The following PIGL variants were observed in gnomAD, a reference collection of about 807,000 sequenced individuals.
PIGL encodes N-acetylglucosaminyl-phosphatidylinositol de-N-acetylase.
In PIGL, 22 loss-of-function variants were observed where a neutral mutation model predicts 31.1. That is an observed-to-expected ratio of 0.71 (90% CI 0.51 to 1.01). PIGL has a LOEUF of 1.01. Ranked by LOEUF, PIGL falls within the 50% of genes least tolerant of loss-of-function variation. The pLI is 0.00. For missense variants in PIGL, 302 were observed against 315.9 expected, an observed-to-expected ratio of 0.96 and a Z score of 0.33; for synonymous variants, 131 against 117.4, an observed-to-expected ratio of 1.12 and a Z score of -0.75.
intron 1 of PIGL, among the ~76,000 whole-genome samples, chr17:16,226,187 C>T (rs764497488): frequency 2.6e-5 from 4 of 151,918 alleles, no homozygotes; most frequent in Non-Finnish European, 4.4e-5. Flanking sequence ...AACCAATCAC[C>T]TTTTTTTTCA....
At chr17:16,234,574 G>A (rs1337193842) in intron 2 of PIGL, among the ~76,000 whole-genome samples, 1 of 152,168 alleles carries the variant, frequency 6.6e-6, no homozygotes, top group Non-Finnish European at 1.5e-5. Context: ...GACCAACCTG[G>A]CCAAACATGG....
At chr17:16,237,638 T>G (rs963738486) in intron 2 of PIGL, among the ~76,000 whole-genome samples, 1 of 150,480 alleles carries the variant, frequency 6.6e-6, no homozygotes, top group Non-Finnish European at 1.5e-5. Flanking sequence ...CCGTCTCTAC[T>G]AAAAATACAA....
rs1405474118 is a variant in PIGL, at chr17:16,325,928, C to T, written c.*30C>T. On this transcript the variant is annotated 3_prime_UTR_variant, in exon 7 of 7. Coordinates refer to ENST00000225609, the MANE Select transcript of PIGL (RefSeq NM_004278.4). ...TTGAAGGGTTTTCAGATCCAAGGAA[C>T]AAAGGGGAAAATAGACAAAGGAGTG... 6.7e-7 allele frequency: 1 copy of T among 1,489,172 alleles called. No homozygotes were observed. The highest frequency in any genetic ancestry group is 9.4e-7 in the Non-Finnish European group (1 of 1,066,098). 92.2% of individuals were successfully genotyped at this position (1,489,172 alleles called of 1,614,324 possible).
intron 2 of PIGL, among the ~76,000 whole-genome samples, chr17:16,247,688 A>C (rs2092754401): frequency 6.6e-6 from 1 of 152,112 alleles, no homozygotes; most frequent in South Asian, 2.1e-4. Context: ...AGGACGACGC[A>C]TGTTTGCAGC....
chr17:16,253,223 C>T (rs1475621568), intron 2 of PIGL, among the ~76,000 whole-genome samples: 1 of 152,086 alleles, frequency 6.6e-6, no homozygotes, highest in African/African-American at 2.4e-5. Flanking sequence ...CATTGCACTC[C>T]AGCCTGGACA....
In PIGL at chr17:16,217,272, T is replaced by G; in HGVS notation, c.46T>G (p.Trp16Gly). 1 of 1,614,174 alleles carries G rather than the reference T, an allele frequency of 6.2e-7. No homozygotes were observed. Among genetic ancestry groups the G allele is most frequent in the East Asian group, 2.2e-5 (1 of 44,888 alleles). Residue 16 changes from tryptophan to glycine, a missense_variant, in exon 1 of 7, where the codon TGG becomes GGG. Coordinates refer to ENST00000225609, the MANE Select transcript of PIGL (RefSeq NM_004278.4). The part of the protein sequence containing the change: ...LLCVALAVLA[W>G]GFLWVWDSSE... ...GTGTGTGGCGTTGGCGGTCTTGGCA[T>G]GGGGCTTCCTCTGGGTTTGGGACTC...
chr17:16,263,882 C>A (rs150881676), intron 2 of PIGL, among the ~76,000 whole-genome samples: 39 of 140,580 alleles, frequency 2.8e-4, no homozygotes, highest in African/African-American at 9.5e-4. Context: ...ACTCTTGTTG[C>A]CCAGGCTGGA....
chr17:16,322,513 A>G (rs1011949480), intron 6 of PIGL, among the ~76,000 whole-genome samples: 2 of 152,188 alleles, frequency 1.3e-5, no homozygotes, highest in Non-Finnish European at 2.9e-5. Flanking sequence ...GCTACACATG[A>G]TAAGTTTTGA....
intron 6 of PIGL, among the ~76,000 whole-genome samples, chr17:16,324,088 C>T (rs1170631327): frequency 6.6e-6 from 1 of 151,202 alleles, no homozygotes; most frequent in East Asian, 1.9e-4. Context: ...TCCTGAGTAG[C>T]TGGGGTTACA....
intron 2 of PIGL, among the ~76,000 whole-genome samples, chr17:16,243,428 C>A (rs776488356): frequency 6.6e-6 from 1 of 152,156 alleles, no homozygotes; most frequent in Non-Finnish European, 1.5e-5. Context: ...GGATCCCATT[C>A]ATTTCAGTAT....
chr17:16,279,381 A>C (rs1480739021), intron 2 of PIGL, among the ~76,000 whole-genome samples: 1 of 152,286 alleles, frequency 6.6e-6, no homozygotes, highest in African/African-American at 2.4e-5. Context: ...ACTGTAAGGC[A>C]TAAGATTAGA....
In PIGL at chr17:16,323,390, C is replaced by T. The variant is rs182756045; in HGVS notation, c.661-2410C>T. 5.4e-3 allele frequency among the ~76,000 whole-genome samples: 819 copies of T among 151,684 alleles called. 8 individuals carry two copies. Among genetic ancestry groups the T allele is most frequent in the African/African-American group, 0.019 (769 of 41,354 alleles). ...CTGGGATTACAGGCAGGTGCCACCA[C>T]GCCTGGCTAATTTTGTATTTTTTAG... On this transcript the variant is annotated intron_variant, in intron 6 of 6. Transcript: ENST00000225609.
chr17:16,294,102 C>T (rs2092971619), intron 2 of PIGL, among the ~76,000 whole-genome samples: 1 of 152,126 alleles, frequency 6.6e-6, no homozygotes, highest in South Asian at 2.1e-4. Flanking sequence ...TGGCTCCACC[C>T]CCTGATAGTG....
intron 4 of PIGL, among the ~76,000 whole-genome samples, chr17:16,314,420 G>A (rs2093067362): frequency 6.6e-6 from 1 of 152,254 alleles, no homozygotes; most frequent in Non-Finnish European, 1.5e-5. Flanking sequence ...TCACTGGGAA[G>A]TGGTTTGCCC....
intron 2 of PIGL, among the ~76,000 whole-genome samples, chr17:16,258,136 AG>A (rs2092804205): frequency 8.7e-6 from 1 of 115,312 alleles, no homozygotes; most frequent in Admixed American, 8.6e-5. Context: ...AGAGAGAGAG[AG>A]AAAGAGAGAG....
At chr17:16,311,318 TATC>T (rs2093048601) in intron 3 of PIGL, among the ~76,000 whole-genome samples, 1 of 150,818 alleles carries the variant, frequency 6.6e-6, no homozygotes, top group Non-Finnish European at 1.5e-5. Flanking sequence ...CAATTATTAT[TATC>T]ATTTATCTCA....
chr17:16,294,826 T>G (rs776724705), intron 2 of PIGL, among the ~76,000 whole-genome samples: 46 of 152,260 alleles, frequency 3.0e-4, no homozygotes, highest in Non-Finnish European at 6.2e-4. Context: ...CAGGTTGGTG[T>G]TTTCCCTGAC....
intron 1 of PIGL, among the ~76,000 whole-genome samples, chr17:16,231,367 T>G (rs2092678779): frequency 6.6e-6 from 1 of 151,694 alleles, no homozygotes; most frequent in Admixed American, 6.6e-5. Flanking sequence ...CCCGAGTCAG[T>G]GGGACTACAG....
intron 2 of PIGL, among the ~76,000 whole-genome samples, chr17:16,292,393 C>CT (rs199806018): frequency 2.5e-5 from 3 of 120,990 alleles, no homozygotes; most frequent in Non-Finnish European, 5.7e-5. Context: ...AAATCTTTCT[C>CT]TTTAAAAAAA....
Sources: allele counts gnomAD v4.1 joint callset (sites outside exome capture counted in the v4.1 genomes callset), GRCh38; gene constraint gnomAD v4.1.1; transcripts MANE v1.5; gene names NCBI Gene and HGNC (gene_info 2026-07-23, HGNC 2026-07-21).